Variants in CDK14 observed in about 807,000 individuals in gnomAD.
The protein encoded by CDK14 is cyclin-dependent kinase 14.
In CDK14, 34 loss-of-function variants were observed where a neutral mutation model predicts 60.7. The observed-to-expected ratio is 0.56, with a 90% CI of 0.43 to 0.75. CDK14 has a LOEUF of 0.75. Ranked by LOEUF, CDK14 falls within the 30% of genes least tolerant of loss-of-function variation. CDK14 has a pLI of 0.00. For missense variants in CDK14, 482 were observed against 564.1 expected (o/e 0.85, Z 1.47); for synonymous variants, 197 against 203.7 (o/e 0.97, Z 0.28).
At chr7:90,808,259 T>C (rs551691463) in intron 5 of CDK14, among the ~76,000 whole-genome samples, 21 of 152,288 alleles carry the variant, frequency 1.4e-4, no homozygotes, top group Admixed American at 4.6e-4. Context: ...AGACTAACAG[T>C]GGATCTCTTG....
chr7:90,894,174 T>G (rs974919988), intron 6 of CDK14, among the ~76,000 whole-genome samples: 1 of 152,202 alleles, frequency 6.6e-6, no homozygotes, highest in African/African-American at 2.4e-5. Context: ...GTTCTGAAAC[T>G]GCTATGGATG....
intron 14 of CDK14, among the ~76,000 whole-genome samples, chr7:91,133,769 A>G (rs1023173059): frequency 1.3e-5 from 2 of 152,160 alleles, no homozygotes; most frequent in Non-Finnish European, 2.9e-5. Flanking sequence ...ACTATATTCC[A>G]ACCTCAGAGT....
chr7:91,057,682 T>A (rs892337347), intron 11 of CDK14, among the ~76,000 whole-genome samples: 9 of 152,250 alleles, frequency 5.9e-5, no homozygotes, highest in African/African-American at 2.2e-4. Context: ...CCATTTCTTC[T>A]TTTTGTCAGG....
intron 12 of CDK14, among the ~76,000 whole-genome samples, chr7:91,091,253 A>G (rs1798798423): frequency 6.8e-6 from 1 of 146,474 alleles, no homozygotes; most frequent in African/African-American, 2.5e-5. Context: ...TGTAAAAAAA[A>G]TATTTTATTT....
chr7:91,079,539 C>T (rs1798424666), intron 12 of CDK14, 59 bp downstream of exon 12: 1 of 1,185,024 alleles, frequency 8.4e-7, no homozygotes, highest in Non-Finnish European at 1.3e-6. Context: ...ATTTACAACT[C>T]TTCTCATACG....
chr7:90,668,113 G>T (rs531607849), intron 2 of CDK14, among the ~76,000 whole-genome samples: 103 of 152,262 alleles, frequency 6.8e-4, no homozygotes, highest in Admixed American at 3.3e-3. Context: ...TTTCCAAAGT[G>T]ATTGCAACAT....
chr7:90,914,716 G>A (rs112418251), intron 7 of CDK14, among the ~76,000 whole-genome samples: 119 of 152,152 alleles, frequency 7.8e-4, no homozygotes, highest in African/African-American at 2.5e-3. Flanking sequence ...CTACGTTAGC[G>A]TGAGGATTAT....
At chr7:90,629,701 G>A (rs1293217574) in intron 2 of CDK14, among the ~76,000 whole-genome samples, 2 of 152,148 alleles carry the variant, frequency 1.3e-5, no homozygotes, top group Non-Finnish European at 2.9e-5. Context: ...AGATTCAATT[G>A]ATGAAAAACC....
intron 11 of CDK14, among the ~76,000 whole-genome samples, chr7:91,048,498 G>T (rs1462647170): frequency 3.3e-5 from 5 of 152,188 alleles, no homozygotes; most frequent in Non-Finnish European, 7.3e-5. Context: ...TTGCATATAT[G>T]TAAATATCTC....
intron 8 of CDK14, among the ~76,000 whole-genome samples, chr7:90,948,582 T>C (rs1481175691): frequency 6.6e-6 from 1 of 152,224 alleles, no homozygotes. Context: ...GTACTAAATA[T>C]CATAGCCTAT....
intron 8 of CDK14, among the ~76,000 whole-genome samples, chr7:90,954,502 T>C (rs2117561568): frequency 6.6e-6 from 1 of 152,172 alleles, no homozygotes; most frequent in South Asian, 2.1e-4. Context: ...AATTGCACAT[T>C]CATTCCACAA....
chr7:90,696,326 A>ACTTCTTCTT (rs149069653), intron 2 of CDK14, among the ~76,000 whole-genome samples: 5 of 88,280 alleles, frequency 5.7e-5, no homozygotes, highest in East Asian at 4.1e-4. Flanking sequence ...TTGGTTTTGT[A>ACTTCTTCTT]CTTCTTCTTC....
chr7:91,187,038 T>C (rs1447103544), intron 14 of CDK14, among the ~76,000 whole-genome samples: 1 of 152,240 alleles, frequency 6.6e-6, no homozygotes, highest in Non-Finnish European at 1.5e-5. Flanking sequence ...AATAGTTAAA[T>C]TATTAAAAAC....
At chr7:90,859,402 T>G (rs1162880855) in intron 5 of CDK14, among the ~76,000 whole-genome samples, 2 of 152,182 alleles carry the variant, frequency 1.3e-5, no homozygotes, top group Admixed American at 1.3e-4. Context: ...TACTACTAAG[T>G]CCTAAGTACT....
At chr7:91,035,094 C>A (rs925233696) in intron 10 of CDK14, among the ~76,000 whole-genome samples, 6 of 152,264 alleles carry the variant, frequency 3.9e-5, no homozygotes, top group African/African-American at 9.6e-5. Flanking sequence ...GCTTTCATGA[C>A]TAACTTCTCT....
At chr7:90,726,192 T>A (rs577228211) in intron 2 of CDK14, 1 of 344,154 alleles carries the variant, frequency 2.9e-6, no homozygotes, top group South Asian at 1.2e-4. Context: ...GATTTGCCTA[T>A]TTTTTGTTTT....
chr7:90,772,069 A>C (rs371412986), intron 4 of CDK14, among the ~76,000 whole-genome samples: 1 of 152,238 alleles, frequency 6.6e-6, no homozygotes, highest in Non-Finnish European at 1.5e-5. Flanking sequence ...AGGGTCTTCA[A>C]CTGAACATTT....
chr7:90,812,685 T>A (rs1789182095), intron 5 of CDK14, among the ~76,000 whole-genome samples: 1 of 152,070 alleles, frequency 6.6e-6, no homozygotes, highest in Non-Finnish European at 1.5e-5. Flanking sequence ...TTGTTAATCA[T>A]AAAGGACATG....
chr7:90,972,582 A>C (rs191718640), intron 9 of CDK14, among the ~76,000 whole-genome samples: 1 of 152,354 alleles, frequency 6.6e-6, no homozygotes, highest in African/African-American at 2.4e-5. Flanking sequence ...CTTTAATTGC[A>C]TAATGGTTTA....
Sources: allele counts gnomAD v4.1 joint callset (sites outside exome capture counted in the v4.1 genomes callset), GRCh38; gene constraint gnomAD v4.1.1; transcripts MANE v1.5; gene names NCBI Gene and HGNC (gene_info 2026-07-23, HGNC 2026-07-21).